DMXL1: variants seen among roughly 807,000 people sequenced by gnomAD.
DMXL1 encodes dmX-like protein 1.
Under a neutral mutation model 319.2 loss-of-function variants are expected in DMXL1, and 99 were observed. The observed-to-expected ratio is 0.31, with a 90% CI of 0.26 to 0.37. The LOEUF (loss-of-function observed/expected upper bound fraction) is 0.37. Among genes scored for constraint, DMXL1 ranks in the 10% least tolerant of loss-of-function variants. The pLI is 1.00. For synonymous variants in DMXL1, 1,385 were observed against 1,235.2 expected (o/e 1.12, Z -2.54); for missense variants, 3,745 against 3,595.6 (o/e 1.04, Z -1.06).
At chr5:119,089,647 CAG>C (rs1322283627) in intron 1 of DMXL1, among the ~76,000 whole-genome samples, 9 of 131,626 alleles carry the variant, frequency 6.8e-5, no homozygotes, top group African/African-American at 2.3e-4. Flanking sequence ...TTTTTTGAGA[CAG>C]AGTTTCACTC....
Position 119,149,635 on chromosome 5 carries a change from A to G in DMXL1, c.3808A>G (p.Asn1270Asp), listed in dbSNP as rs1487059302. Residue 1270 changes from asparagine (N) to aspartate (D), a missense_variant, in exon 18 of 44, where the codon AAC becomes GAC. Coordinates refer to ENST00000539542, the MANE Select transcript of DMXL1 (RefSeq NM_001290321.3). ...TATAACAAGTTTAATAAAACAGAGT[A>G]ACTCCAGTTCTGGGTTACATCCTCC... ...PSITSLIKQSNSSSGLHPPKK... is the reference protein window; with the variant it reads ...PSITSLIKQSDSSSGLHPPKK... 6.2e-7 allele frequency: 1 copy of G among 1,613,940 alleles called. No homozygotes were observed. Among genetic ancestry groups the G allele is most frequent in the Admixed American group, 1.7e-5 (1 of 59,960 alleles).
At chr5:119,164,331 G>A (rs2150224056) in intron 19 of DMXL1, among the ~76,000 whole-genome samples, 176 bp from the exon 20 acceptor site, 1 of 152,012 alleles carries the variant, frequency 6.6e-6, no homozygotes, top group South Asian at 2.1e-4. Context: ...TGTGCTCATT[G>A]GAGTGATACA....
chr5:119,102,980 T>TTAA (rs1455433748), intron 3 of DMXL1, among the ~76,000 whole-genome samples: 1 of 152,080 alleles, frequency 6.6e-6, no homozygotes, highest in Non-Finnish European at 1.5e-5. Flanking sequence ...GGTACTGGGC[T>TTAA]TAATACCTGG....
At chr5:119,116,076 G>C in intron 6 of DMXL1, 82 bp from the exon 7 acceptor site, 2 of 1,321,914 alleles carry the variant, frequency 1.5e-6, no homozygotes, top group Non-Finnish European at 2.0e-6. Context: ...TGCCATTGGG[G>C]AGAAAATTCT....
At position 119,133,315 on chromosome 5, in the gene DMXL1, A is replaced by C. The variant is rs768238462; in HGVS notation, c.1499A>C (p.Asp500Ala). 6.2e-7 allele frequency: 1 copy of C among 1,614,056 alleles called. No homozygotes were observed. The highest frequency in any genetic ancestry group is 8.5e-7 in the Non-Finnish European group (1 of 1,179,992). The change falls in exon 11 of 44, where the codon GAT becomes GCT. Residue 500 changes from aspartate to alanine, a missense_variant. By Grantham distance (126) the Asp-to-Ala change is moderately radical (BLOSUM62 -2). Coordinates refer to ENST00000539542, the MANE Select transcript of DMXL1 (RefSeq NM_001290321.3). ...ATGCTATTTAGTATTCATCCCATGGATGGTTCTTTGCTAGTTTGGCATGTG... is the reference window on the plus strand; with the variant it reads ...ATGCTATTTAGTATTCATCCCATGGCTGGTTCTTTGCTAGTTTGGCATGTG... ...ADMLFSIHPM[D>A]GSLLVWHVDW...
Position 119,204,044 on chromosome 5 carries a change from G to A in DMXL1, c.7863+608G>A, listed in dbSNP as rs1207834452. Among the ~76,000 whole-genome samples, 12 of 151,958 alleles carry A rather than the reference G, an allele frequency of 7.9e-5. No homozygotes were observed. The South Asian group carries it at 1.5e-3, about 18-fold the overall frequency. ...TCACTGTGTTAGCCAGGATGGTCTC[G>A]ATCTCCTGACCTGGTGATCCACCCG... is the stretch of plus-strand genomic sequence containing the variant. On this transcript the variant is annotated intron_variant, in intron 33 of 43. Transcript: ENST00000539542.
At chr5:119,072,913 A>G (rs1330356735) in intron 1 of DMXL1, among the ~76,000 whole-genome samples, 3 of 152,154 alleles carry the variant, frequency 2.0e-5, no homozygotes, top group Admixed American at 6.6e-5. Flanking sequence ...ACACCTGGGC[A>G]TTGCTCTCTG....
intron 39 of DMXL1, among the ~76,000 whole-genome samples, chr5:119,235,520 A>G (rs1787587229): frequency 6.6e-6 from 1 of 152,140 alleles, no homozygotes; most frequent in African/African-American, 2.4e-5. Flanking sequence ...GAAATATTTC[A>G]GAAGAAAAAA....
chr5:119,094,374 G>A (rs1052610630), intron 1 of DMXL1, among the ~76,000 whole-genome samples: 7 of 152,196 alleles, frequency 4.6e-5, no homozygotes, highest in African/African-American at 7.2e-5. Flanking sequence ...AAGCCCGGAT[G>A]ACAGCACCTA....
At position 119,147,419 on chromosome 5, in the gene DMXL1, G is replaced by C. The variant is rs764582412; in HGVS notation, c.2860G>C (p.Glu954Gln). ...GTTTTCAGAAATGGTTTATAGCCAA[G>C]AATTGCATTTACCAGAAGGAGTTGA... ...TLFSEMVYSQ[E>Q]LHLPEGVEII... The change falls in exon 17 of 44, where the codon GAA becomes CAA. Residue 954 changes from glutamate (E) to glutamine (Q), a missense_variant. Transcript: ENST00000539542. 1 of 1,613,512 alleles carries C rather than the reference G, an allele frequency of 6.2e-7. No individual in the cohort carries two copies. The highest frequency in any genetic ancestry group is 1.1e-5 in the South Asian group (1 of 91,058).
chr5:119,224,008 A>G (rs1200496233), intron 37 of DMXL1, among the ~76,000 whole-genome samples: 1 of 152,050 alleles, frequency 6.6e-6, no homozygotes, highest in Non-Finnish European at 1.5e-5. Flanking sequence ...TTGGAGTATA[A>G]CTGCATCAAT....
At chr5:119,122,980 G>C (rs1398292397) in intron 9 of DMXL1, among the ~76,000 whole-genome samples, 5 of 152,132 alleles carry the variant, frequency 3.3e-5, no homozygotes, top group Admixed American at 1.3e-4. Context: ...TGTAGCGAGC[G>C]GAGATCACGC....
At position 119,189,815 on chromosome 5, in the gene DMXL1, C is replaced by T; in HGVS notation, c.7243C>T (p.Gln2415Ter). The change falls in exon 29 of 44, where the codon CAG (glutamine) becomes TAG (stop). Residue 2415 changes from glutamine to a stop codon, truncating the protein, a stop_gained. Coordinates refer to ENST00000539542, the MANE Select transcript of DMXL1 (RefSeq NM_001290321.3). LOFTEE classifies it high-confidence loss of function. ...GACCCCTTCCTCGGCACCAGTAAGC[C>T]AGGAGTCACTGGCGGTTAAAGAAAA... ...PLTPSSAPVSQESLAVKEKFI... is the reference protein window; with the variant it reads ...PLTPSSAPVS 6.2e-7 allele frequency: 1 copy of T among 1,614,078 alleles called. No individual in the cohort carries two copies. The highest frequency in any genetic ancestry group is 8.5e-7 in the Non-Finnish European group (1 of 1,179,988).
chr5:119,133,486 G>A lies in DMXL1; in HGVS notation c.1570-8G>A. On this transcript the variant is annotated splice_region_variant and splice_polypyrimidine_tract_variant and intron_variant, in intron 11 of 43. Coordinates refer to ENST00000539542, the MANE Select transcript of DMXL1 (RefSeq NM_001290321.3). ...TATATGTTCTAACACTTGCTTTCTT[G>A]ATTCTAGGTGTCCTTTGTTTCCAGA... 6.3e-7 allele frequency: 1 copy of A among 1,594,646 alleles called. No individual in the cohort carries two copies. Among genetic ancestry groups the A allele is most frequent in the Non-Finnish European group, 8.5e-7 (1 of 1,173,332 alleles).
intron 32 of DMXL1, among the ~76,000 whole-genome samples, chr5:119,200,547 A>G (rs911956254): frequency 6.6e-6 from 1 of 152,098 alleles, no homozygotes. Context: ...TCGCCTTGCT[A>G]TTCAGGCTCT....
At chr5:119,072,912 C>A (rs896106206) in intron 1 of DMXL1, among the ~76,000 whole-genome samples, 18 of 152,146 alleles carry the variant, frequency 1.2e-4, no homozygotes, top group African/African-American at 3.9e-4. Context: ...TACACCTGGG[C>A]ATTGCTCTCT....
intron 1 of DMXL1, among the ~76,000 whole-genome samples, chr5:119,076,538 C>G (rs1750918999): frequency 6.6e-6 from 1 of 152,074 alleles, no homozygotes; most frequent in African/African-American, 2.4e-5. Flanking sequence ...CTAAAGTGGA[C>G]TTCAAAATAT....
chr5:119,193,758 A>G (rs1353046689), intron 29 of DMXL1, 70 bp from the exon 30 acceptor site: 2 of 1,425,390 alleles, frequency 1.4e-6, no homozygotes, highest in African/African-American at 1.4e-5. Context: ...AATTATTACT[A>G]TTAGACTGTA....
intron 10 of DMXL1, among the ~76,000 whole-genome samples, chr5:119,129,666 T>G (rs1254183203): frequency 6.6e-6 from 1 of 152,190 alleles, no homozygotes; most frequent in Non-Finnish European, 1.5e-5. Flanking sequence ...GACTTTCCTA[T>G]ATAAAGGACT....
Sources: allele counts gnomAD v4.1 joint callset (sites outside exome capture counted in the v4.1 genomes callset), GRCh38; gene constraint gnomAD v4.1.1; transcripts MANE v1.5; gene names NCBI Gene and HGNC (gene_info 2026-07-23, HGNC 2026-07-21).